CSMD1: variants seen among roughly 807,000 people sequenced by gnomAD.
CSMD1 encodes the protein CUB and sushi domain-containing protein 1.
Under a neutral mutation model 417.5 loss-of-function variants are expected in CSMD1, and 213 were observed. That is an observed-to-expected ratio of 0.51 (90% CI 0.46 to 0.57). The LOEUF (loss-of-function observed/expected upper bound fraction) is 0.57. Among genes scored for constraint, CSMD1 ranks in the 20% least tolerant of loss-of-function variants. CSMD1 has a pLI of 0.00. For synonymous variants in CSMD1, 2,862 were observed against 1,736.8 expected (o/e 1.65, Z -16.11); for missense variants, 6,923 against 4,529.7 (o/e 1.53, Z -15.17).
intron 54 of CSMD1, among the ~76,000 whole-genome samples, chr8:2,983,747 G>A (rs1027465984): frequency 3.3e-5 from 5 of 152,260 alleles, no homozygotes; most frequent in East Asian, 1.9e-4. Context: ...GATCGAGGTC[G>A]TGCCTAACTT....
At chr8:4,847,526 A>T (rs2116813089) in intron 1 of CSMD1, among the ~76,000 whole-genome samples, 1 of 152,256 alleles carries the variant, frequency 6.6e-6, no homozygotes, top group South Asian at 2.1e-4. Flanking sequence ...TACACTTGTC[A>T]TGGTTAGTGG....
intron 25 of CSMD1, among the ~76,000 whole-genome samples, chr8:3,298,750 G>A (rs976468746): frequency 6.6e-6 from 1 of 152,154 alleles, no homozygotes; most frequent in Non-Finnish European, 1.5e-5. Context: ...CATCGTGCCC[G>A]ACAATTATCT....
At chr8:3,771,156 G>C (rs1798550051) in intron 5 of CSMD1, among the ~76,000 whole-genome samples, 1 of 152,006 alleles carries the variant, frequency 6.6e-6, no homozygotes, top group African/African-American at 2.4e-5. Flanking sequence ...TCAACACACT[G>C]GAATTATGAC....
At chr8:3,492,845 G>A (rs1235615698) in intron 11 of CSMD1, among the ~76,000 whole-genome samples, 1 of 151,668 alleles carries the variant, frequency 6.6e-6, no homozygotes, top group Non-Finnish European at 1.5e-5. Context: ...TCCCCCCCAT[G>A]TCTGTTACTT....
Position 4,698,070 on chromosome 8 carries a change from G to A in CSMD1, c.86-60512C>T, listed in dbSNP as rs144771364. On this transcript the variant is annotated intron_variant, in intron 1 of 69. Transcript: ENST00000635120. The stretch of plus-strand genomic sequence containing the variant: ...AGGGTTCATCAAAATATTAAGTGAA[G>A]TTCCCAAACATGTCAAATATAAATG... 3.1e-3 allele frequency among the ~76,000 whole-genome samples: 472 copies of A among 151,082 alleles called. 2 individuals are homozygous for A. The highest frequency in any genetic ancestry group is 5.0e-3 in the Non-Finnish European group (342 of 67,886).
intron 1 of CSMD1, among the ~76,000 whole-genome samples, chr8:4,683,927 A>G (rs1382739976): frequency 2.0e-5 from 3 of 152,234 alleles, no homozygotes; most frequent in Admixed American, 6.5e-5. Flanking sequence ...AGCATGTCAT[A>G]TACAAGAAGA....
intron 26 of CSMD1, among the ~76,000 whole-genome samples, chr8:3,264,659 A>C (rs1475107073): frequency 6.6e-6 from 1 of 152,218 alleles, no homozygotes; most frequent in Admixed American, 6.5e-5. Context: ...GGAAGTACTC[A>C]TCAAAACTGT....
intron 49 of CSMD1, among the ~76,000 whole-genome samples, chr8:3,058,268 T>A (rs1028329323): frequency 6.6e-6 from 1 of 152,208 alleles, no homozygotes. Flanking sequence ...ACCGTGTGCA[T>A]TGTCTTCTTA....
chr8:4,582,931 C>T (rs1012620757), intron 2 of CSMD1, among the ~76,000 whole-genome samples: 3 of 152,340 alleles, frequency 2.0e-5, no homozygotes, highest in South Asian at 4.1e-4. Flanking sequence ...AGCAGCTGGC[C>T]GGCCCTGCCG....
At chr8:3,929,042 A>T (rs933368167) in intron 5 of CSMD1, among the ~76,000 whole-genome samples, 1 of 150,544 alleles carries the variant, frequency 6.6e-6, no homozygotes, top group Non-Finnish European at 1.5e-5. Flanking sequence ...GGCCATCAGC[A>T]TTGCCATCTA....
chr8:3,791,912 G>C (rs1289160428), intron 5 of CSMD1, among the ~76,000 whole-genome samples: 1 of 152,028 alleles, frequency 6.6e-6, no homozygotes, highest in South Asian at 2.1e-4. Context: ...TGAAAGTAAT[G>C]GCAAAAACCT....
intron 20 of CSMD1, among the ~76,000 whole-genome samples, chr8:3,365,859 A>T (rs1276807461): frequency 6.6e-6 from 1 of 152,222 alleles, no homozygotes; most frequent in African/African-American, 2.4e-5. Flanking sequence ...ACAGTGGAAC[A>T]TCATCTTACT....
chr8:3,429,602 T>G (rs1814084947), intron 12 of CSMD1, among the ~76,000 whole-genome samples: 1 of 152,216 alleles, frequency 6.6e-6, no homozygotes, highest in South Asian at 2.1e-4. Context: ...ATGTTCAATA[T>G]CTTGACGAGG....
At chr8:3,024,796 T>C (rs1585175331) in intron 51 of CSMD1, among the ~76,000 whole-genome samples, 2 of 152,180 alleles carry the variant, frequency 1.3e-5, no homozygotes, top group East Asian at 3.9e-4. Flanking sequence ...TCAAGAATAT[T>C]GAATATTGCA....
At chr8:3,264,619 C>A (rs1278600613) in intron 26 of CSMD1, among the ~76,000 whole-genome samples, 1 of 152,138 alleles carries the variant, frequency 6.6e-6, no homozygotes, top group South Asian at 2.1e-4. Context: ...ACGTATAAAT[C>A]GAACTGCTTT....
chr8:3,290,549 T>G (rs569537023), intron 25 of CSMD1, among the ~76,000 whole-genome samples: 1 of 146,098 alleles, frequency 6.8e-6, no homozygotes, highest in African/African-American at 2.8e-5. Flanking sequence ...ACATCCCTTG[T>G]AAGTTGGATT....
rs1802606347 is a variant in CSMD1, at chr8:2,951,203, G to A, written c.10112C>T (p.Ala3371Val). 1 of 1,612,568 alleles carries A rather than the reference G, an allele frequency of 6.2e-7. No homozygotes were observed. Among genetic ancestry groups the A allele is most frequent in the Non-Finnish European group, 8.5e-7 (1 of 1,179,312 alleles). Residue 3371 changes from alanine to valine, a missense_variant, in exon 66 of 70, where the codon GCC becomes GTC. Ala to Val is a moderately conservative substitution (Grantham distance 64). Transcript: ENST00000635120. ...ATTGAACCAGTCAACAGTTAGAGTG[G>A]CGGGTTGTCTTTTCCCTAAATATTC... ...YYEYLGKRQPATLTVDWFNAT... is the reference protein window; with the variant it reads ...YYEYLGKRQPVTLTVDWFNAT...
chr8:3,814,128 GTACCAGC>G (rs1351269737), intron 5 of CSMD1, among the ~76,000 whole-genome samples: 1 of 152,164 alleles, frequency 6.6e-6, no homozygotes, highest in Non-Finnish European at 1.5e-5. Context: ...TTGCAATAAC[GTACCAGC>G]TCAGCCCCAG....
intron 7 of CSMD1, among the ~76,000 whole-genome samples, chr8:3,636,247 A>G (rs12542623): frequency 0.45 from 69,097 of 152,022 alleles, 15,847 homozygotes; most frequent in Middle Eastern, 0.63. Context: ...GTCATTTTCT[A>G]GGACAACGAT....
Sources: allele counts gnomAD v4.1 joint callset (sites outside exome capture counted in the v4.1 genomes callset), GRCh38; gene constraint gnomAD v4.1.1; transcripts MANE v1.5; gene names NCBI Gene and HGNC (gene_info 2026-07-23, HGNC 2026-07-21).